The following FAM13C variants were observed in gnomAD, a reference collection of about 807,000 sequenced individuals.
The protein encoded by FAM13C is family with sequence similarity 13 member C.
In FAM13C, 37 loss-of-function variants were observed where a neutral mutation model predicts 73.2. The ratio of observed to expected loss-of-function variants is 0.51; its 90% CI spans 0.39 to 0.67. The LOEUF (loss-of-function observed/expected upper bound fraction) is 0.67. FAM13C is among the 30% of genes least tolerant of loss of function. The probability of loss-of-function intolerance (pLI) is 0.00; values close to 1 mark genes in which losing one functional copy is unlikely to be tolerated. For synonymous variants in FAM13C, 246 were observed against 260.9 expected (o/e 0.94, Z 0.55); for missense variants, 589 against 715.6 (o/e 0.82, Z 2.02).
intron 1 of FAM13C, among the ~76,000 whole-genome samples, chr10:59,360,853 G>GACAA (rs1856306815): frequency 1.7e-5 from 1 of 57,992 alleles, no homozygotes; most frequent in African/African-American, 5.0e-5. Flanking sequence ...AACCTCTACA[G>GACAA]AAAAAAAAAA....
At chr10:59,328,842 T>C (rs895841768) in intron 3 of FAM13C, among the ~76,000 whole-genome samples, 6 of 152,240 alleles carry the variant, frequency 3.9e-5, no homozygotes, top group Non-Finnish European at 7.3e-5. Context: ...GATTAATATA[T>C]CTGATAGCAC....
At chr10:59,286,516 A>AAT (rs1159774665) in intron 5 of FAM13C, among the ~76,000 whole-genome samples, 1,987 of 110,638 alleles carry the variant, frequency 0.018, 78 homozygotes, top group African/African-American at 0.054. Context: ...CTCCATCTCA[A>AAT]ATATATATAT....
chr10:59,337,960 G>A (rs750247394), intron 3 of FAM13C, among the ~76,000 whole-genome samples: 7 of 151,922 alleles, frequency 4.6e-5, no homozygotes, highest in Non-Finnish European at 8.8e-5. Context: ...GATTACAGGC[G>A]TGAGACACCA....
intron 4 of FAM13C, among the ~76,000 whole-genome samples, chr10:59,309,582 C>T (rs1413554334): frequency 1.3e-5 from 2 of 152,308 alleles, no homozygotes; most frequent in East Asian, 3.9e-4. Context: ...TCCCTCTCCA[C>T]TTTCTCTCCT....
intron 3 of FAM13C, among the ~76,000 whole-genome samples, chr10:59,332,813 G>A (rs752872085): frequency 2.0e-5 from 3 of 152,174 alleles, no homozygotes; most frequent in African/African-American, 4.8e-5. Context: ...CCTATGCACA[G>A]AGCAGAGGTA....
intron 12 of FAM13C, among the ~76,000 whole-genome samples, chr10:59,252,033 A>G (rs1022457352): frequency 6.6e-6 from 1 of 152,178 alleles, no homozygotes; most frequent in African/African-American, 2.4e-5. Flanking sequence ...AACATAAGAG[A>G]TACAGAGGAG....
At chr10:59,307,341 T>G (rs1848373453) in intron 4 of FAM13C, among the ~76,000 whole-genome samples, 1 of 152,132 alleles carries the variant, frequency 6.6e-6, no homozygotes, top group Admixed American at 6.5e-5. Flanking sequence ...ACCTAGAAGC[T>G]TCTCAGTATG....
At chr10:59,340,942 C>T (rs547387262) in intron 3 of FAM13C, among the ~76,000 whole-genome samples, 1 of 152,132 alleles carries the variant, frequency 6.6e-6, no homozygotes, top group African/African-American at 2.4e-5. Flanking sequence ...GAGGACCACG[C>T]TCTCTGGGTT....
chr10:59,253,087 AT>A (rs1446324395), intron 11 of FAM13C, 89 bp from the exon 12 acceptor site: 1 of 1,332,690 alleles, frequency 7.5e-7, no homozygotes, highest in Admixed American at 1.8e-5. Context: ...CTATAAATCA[AT>A]GCCATGAAAA....
intron 3 of FAM13C, among the ~76,000 whole-genome samples, chr10:59,329,445 T>C (rs913598397): frequency 7.0e-6 from 1 of 143,004 alleles, no homozygotes; most frequent in African/African-American, 2.6e-5. Flanking sequence ...CTGCAAATTC[T>C]GCGTCCCAGG....
chr10:59,281,074 T>A (rs1288296922), intron 6 of FAM13C, among the ~76,000 whole-genome samples: 1 of 152,334 alleles, frequency 6.6e-6, no homozygotes, highest in East Asian at 1.9e-4. Context: ...TTTGTATACA[T>A]GTAAGGCTCA....
chr10:59,336,736 T>C (rs549293015), intron 3 of FAM13C, among the ~76,000 whole-genome samples: 74 of 152,240 alleles, frequency 4.9e-4, no homozygotes, highest in Non-Finnish European at 2.9e-4. Context: ...ATATCTTCTA[T>C]AGGGAGATTT....
chr10:59,313,082 C>A (rs1261487970), intron 4 of FAM13C, among the ~76,000 whole-genome samples: 1 of 152,174 alleles, frequency 6.6e-6, no homozygotes, highest in Non-Finnish European at 1.5e-5. Flanking sequence ...CAGTTAGTTC[C>A]TTTCTCCCTG....
At chr10:59,330,919 C>A (rs1367695355) in intron 3 of FAM13C, among the ~76,000 whole-genome samples, 1 of 152,162 alleles carries the variant, frequency 6.6e-6, no homozygotes, top group Non-Finnish European at 1.5e-5. Context: ...GACCTTAGAA[C>A]CAGCCTGATC....
intron 8 of FAM13C, 148 bp downstream of exon 8, chr10:59,268,402 AGAT>A: frequency 1.2e-6 from 1 of 835,234 alleles, no homozygotes; most frequent in Non-Finnish European, 1.8e-6. Context: ...GACAGATAGA[AGAT>A]GAAGACTCTA....
intron 13 of FAM13C, among the ~76,000 whole-genome samples, chr10:59,250,414 C>G (rs1327886283): frequency 6.6e-6 from 1 of 152,166 alleles, no homozygotes; most frequent in African/African-American, 2.4e-5. Context: ...GTAAGTTGGA[C>G]TTGTAGCAAT....
At chr10:59,247,945 A>G (rs573774006) in intron 13 of FAM13C, among the ~76,000 whole-genome samples, 1 of 152,222 alleles carries the variant, frequency 6.6e-6, no homozygotes, top group South Asian at 2.1e-4. Flanking sequence ...GAAAACTTGA[A>G]TGTCATAAGT....
chr10:59,353,919 TA>T (rs1855386003), intron 2 of FAM13C, among the ~76,000 whole-genome samples: 1 of 152,176 alleles, frequency 6.6e-6, no homozygotes, highest in Non-Finnish European at 1.5e-5. Flanking sequence ...CATTTACAAT[TA>T]AAAAAATTCT....
intron 6 of FAM13C, among the ~76,000 whole-genome samples, chr10:59,277,553 A>G (rs945665494): frequency 1.3e-5 from 2 of 152,186 alleles, no homozygotes; most frequent in Non-Finnish European, 2.9e-5. Flanking sequence ...TCAGGTAAAT[A>G]TACATCAAAA....
Sources: allele counts gnomAD v4.1 joint callset (sites outside exome capture counted in the v4.1 genomes callset), GRCh38; gene constraint gnomAD v4.1.1; transcripts MANE v1.5; gene names NCBI Gene and HGNC (gene_info 2026-07-23, HGNC 2026-07-21).